DDX50: variants seen among roughly 807,000 people sequenced by gnomAD.
DDX50 encodes DExD-box helicase 50, also known as ATP-dependent RNA helicase DDX50.
Under a neutral mutation model 94.8 loss-of-function variants are expected in DDX50, and 56 were observed. The ratio of observed to expected loss-of-function variants is 0.59; its 90% CI spans 0.48 to 0.74. DDX50 has a LOEUF of 0.74. Ranked by LOEUF, DDX50 falls within the 30% of genes least tolerant of loss-of-function variation. DDX50 has a pLI of 0.00. For missense variants in DDX50, 713 were observed against 881.2 expected (o/e 0.81, Z 2.42); for synonymous variants, 264 against 295.4 (o/e 0.89, Z 1.09).
chr10:68,937,381 T>TA (rs1469382168), intron 12 of DDX50, among the ~76,000 whole-genome samples: 1 of 118,778 alleles, frequency 8.4e-6, no homozygotes, highest in Non-Finnish European at 1.8e-5. Context: ...TATCCTTTTT[T>TA]AGCTCTAATT....
intron 8 of DDX50, among the ~76,000 whole-genome samples, chr10:68,923,795 C>T (rs927528534): frequency 5.3e-5 from 8 of 151,334 alleles, no homozygotes; most frequent in African/African-American, 1.5e-4. Flanking sequence ...CGTTTTGCCT[C>T]GGCTTCCCAA....
rs1841682889 is a variant in DDX50, at chr10:68,913,222, A to G, written c.700A>G (p.Ile234Val). 1.9e-6 allele frequency: 3 copies of G among 1,613,566 alleles called. No individual in the cohort carries two copies. The highest frequency in any genetic ancestry group is 2.5e-6 in the Non-Finnish European group (3 of 1,179,912). The change falls in exon 5 of 15, where the codon ATA becomes GTA. Residue 234 changes from isoleucine (I) to valine (V), a missense_variant. By Grantham distance (29) the Ile-to-Val change is conservative. Transcript: ENST00000373585. ...ANQVAKDFKD[I>V]TRKLSVACFY... ...CCAAGTAGCCAAAGACTTCAAAGAT[A>G]TAACTAGGAAACTCAGCGTGGCGTG...
At chr10:68,913,329 T>A (rs762145537) in intron 5 of DDX50, 50 bp downstream of exon 5, 2 of 1,602,236 alleles carry the variant, frequency 1.2e-6, no homozygotes, top group East Asian at 4.5e-5. Flanking sequence ...GATACTCATA[T>A]TTAAATAAAT....
chr10:68,913,069 T>A, intron 4 of DDX50, 93 bp from the exon 5 acceptor site: 1 of 944,124 alleles, frequency 1.1e-6, no homozygotes, highest in Non-Finnish European at 1.6e-6. Flanking sequence ...TTGAGATTCC[T>A]GGTTTTAAAT....
chr10:68,933,569 T>A (rs1446243896), intron 8 of DDX50, among the ~76,000 whole-genome samples: 1 of 152,162 alleles, frequency 6.6e-6, no homozygotes, highest in Non-Finnish European at 1.5e-5. Flanking sequence ...CCTACCTATG[T>A]AATATCCACG....
intron 6 of DDX50, 120 bp from the exon 7 acceptor site, chr10:68,913,939 T>G: frequency 9.5e-7 from 1 of 1,052,452 alleles, no homozygotes; most frequent in South Asian, 2.0e-5. Context: ...GTCTGTGTGT[T>G]AAAAATTCAC....
Position 68,929,311 on chromosome 10 carries a change from CTCTT to C in DDX50, c.1240-4880_1240-4877del, listed in dbSNP as rs879365895. Among the ~76,000 whole-genome samples the C allele has an allele frequency of 9.0e-3, 1,245 of 138,620 alleles. 13 individuals are homozygous for C. Among genetic ancestry groups the C allele is most frequent in the African/African-American group, 0.033 (1,126 of 34,572 alleles). 90.9% of individuals were successfully genotyped at this position (138,620 alleles called of 152,430 possible). A position where few individuals can be genotyped will look rare whatever the true frequency, so the allele number is the denominator to read the frequency against. On this transcript the variant is annotated intron_variant, in intron 8 of 14. Coordinates refer to ENST00000373585, the MANE Select transcript of DDX50 (RefSeq NM_024045.2). ...TTCCTTCCTCTCTCTCTCTCTCTCTCTCTTTCTTTCTCTTTCTTTCTTTCCTTCC... is the reference window on the plus strand; with the variant it reads ...TTCCTTCCTCTCTCTCTCTCTCTCTCTCTTTCTCTTTCTTTCTTTCCTTCC...
rs779845250 is a variant in DDX50, at chr10:68,906,695, C to CT, written c.88-13dup. The CT allele has an allele frequency of 3.1e-6, 5 of 1,594,506 alleles. No individual in the cohort carries two copies. The highest frequency in any genetic ancestry group is 3.4e-6 in the Non-Finnish European group (4 of 1,175,586). On this transcript the variant is annotated splice_polypyrimidine_tract_variant and intron_variant, in intron 1 of 14. Coordinates refer to ENST00000373585, the MANE Select transcript of DDX50 (RefSeq NM_024045.2). ...ACCTCTGACCATCTTGTCATTGCTTCTTTGTTTGTTCACAGAGTGACAGAA... is the reference window on the plus strand; with the variant it reads ...ACCTCTGACCATCTTGTCATTGCTTCTTTTGTTTGTTCACAGAGTGACAGAA...
chr10:68,906,727 C>A lies in DDX50; in HGVS notation c.104C>A (p.Ser35Ter). 6.2e-7 allele frequency: 1 copy of A among 1,609,206 alleles called. No individual in the cohort carries two copies. Among genetic ancestry groups the A allele is most frequent in the South Asian group, 1.1e-5 (1 of 89,706 alleles). Residue 35 changes from serine (S) to a stop codon, truncating the protein, a stop_gained, in exon 2 of 15, where the codon TCA (serine) becomes TAA (stop). Coordinates refer to ENST00000373585, the MANE Select transcript of DDX50 (RefSeq NM_024045.2). LOFTEE classifies it high-confidence loss of function. ...TGTTCACAGAGTGACAGAAGGAAGT[C>A]AAGGCACCATTATGACTCGGATGAG... ...KERQKSDRRK[S>*]RHHYDSDEKS... is the part of the protein sequence containing the mutation.
chr10:68,908,953 A>G (rs975475636), intron 2 of DDX50, among the ~76,000 whole-genome samples: 11 of 151,758 alleles, frequency 7.2e-5, no homozygotes, highest in African/African-American at 2.4e-4. Context: ...GCCAGTTTCA[A>G]AAGTTTCTAC....
intron 11 of DDX50, among the ~76,000 whole-genome samples, chr10:68,936,479 ACT>A (rs1173859428): frequency 9.8e-6 from 1 of 101,730 alleles, no homozygotes; most frequent in Non-Finnish European, 1.8e-5. Context: ...ACAGAGCAAG[ACT>A]CTGTCTCAAA....
At chr10:68,940,698 G>A (rs1842535336) in intron 12 of DDX50, among the ~76,000 whole-genome samples, 1 of 152,082 alleles carries the variant, frequency 6.6e-6, no homozygotes, top group East Asian at 1.9e-4. Context: ...GATTACAGGT[G>A]TGAGCCACCA....
At chr10:68,906,592 A>G (rs1307057929) in intron 1 of DDX50, 119 bp from the exon 2 acceptor site, 8 of 1,067,428 alleles carry the variant, frequency 7.5e-6, no homozygotes, top group East Asian at 7.3e-5. Flanking sequence ...TCTACCAGGC[A>G]GGTTTTCAAA....
rs1264541981 is a variant in DDX50 at position 68,934,455 on chromosome 10, A to G, written c.1401+95A>G. The G allele has an allele frequency of 6.5e-7, 1 of 1,531,118 alleles. No homozygotes were observed. Among genetic ancestry groups the G allele is most frequent in the Non-Finnish European group, 8.9e-7 (1 of 1,129,900 alleles). The allele number at this position is 1,531,118 out of a possible 1,614,324, so 94.8% of individuals were successfully genotyped here. A position where few individuals can be genotyped will look rare whatever the true frequency, so the allele number is the denominator to read the frequency against. ...TTGCTTGGGATGTGAAAAATATGTC[A>G]TCTCTTCTTGCTCTTAGCCATTTTT... On this transcript the variant is annotated intron_variant, in intron 9 of 14. Transcript: ENST00000373585. The surrounding 1 kb of genome is among the most constrained non-coding windows in gnomAD (Gnocchi z 4.0).
At chr10:68,915,389 G>A (rs1841756275) in intron 7 of DDX50, among the ~76,000 whole-genome samples, 1 of 151,142 alleles carries the variant, frequency 6.6e-6, no homozygotes, top group Admixed American at 6.6e-5. Context: ...CTCCAGCTTG[G>A]GTGACAGAGC....
Position 68,934,481 on chromosome 10 carries a change from TG to T in DDX50, c.1401+122del, listed in dbSNP as rs1842355482. The T allele has an allele frequency of 7.5e-7, 1 of 1,338,602 alleles. No individual in the cohort carries two copies. Among genetic ancestry groups the T allele is most frequent in the African/African-American group, 1.5e-5 (1 of 67,524 alleles). The allele number at this position is 1,338,602 out of a possible 1,614,324, so 82.9% of individuals were successfully genotyped here. The stretch of plus-strand genomic sequence containing the variant: ...TCTCTTCTTGCTCTTAGCCATTTTT[TG>T]TTAGTGTGCTATTAAATTTATCAGA... On this transcript the variant is annotated intron_variant, in intron 9 of 14. Coordinates refer to ENST00000373585, the MANE Select transcript of DDX50 (RefSeq NM_024045.2). This position sits in a 1 kb window ranked among gnomAD's most constrained non-coding sequence, Gnocchi z 4.0.
chr10:68,946,323 T>C lies in DDX50; in HGVS notation c.1936-29T>C, dbSNP rs41278540. On this transcript the variant is annotated intron_variant, in intron 14 of 14. Coordinates refer to ENST00000373585, the MANE Select transcript of DDX50 (RefSeq NM_024045.2). Reference sequence around the variant, plus strand: ...TTGCTTATGGTTTCTATTTTGCATTTATATTAATCCTGTAAATTCCCCTAA... The same window carrying C: ...TTGCTTATGGTTTCTATTTTGCATTCATATTAATCCTGTAAATTCCCCTAA... The C allele has an allele frequency of 8.0e-3, 12,479 of 1,566,658 alleles. 71 individuals carry two copies. The highest frequency in any genetic ancestry group is 0.027 in the Middle Eastern group (152 of 5,704).
intron 7 of DDX50, among the ~76,000 whole-genome samples, chr10:68,919,590 A>G (rs543006761): frequency 6.6e-6 from 1 of 152,220 alleles, no homozygotes; most frequent in Admixed American, 6.5e-5. Flanking sequence ...CATGTATATC[A>G]GTAGTTGGTT....
intron 4 of DDX50, among the ~76,000 whole-genome samples, chr10:68,912,057 A>G (rs1183868473): frequency 1.3e-5 from 2 of 152,230 alleles, no homozygotes; most frequent in East Asian, 1.9e-4. Context: ...TAATTAAATC[A>G]TAATAGTCTT....
Sources: allele counts gnomAD v4.1 joint callset (sites outside exome capture counted in the v4.1 genomes callset), GRCh38; gene constraint gnomAD v4.1.1; non-coding constraint Gnocchi (gnomAD v3.1); transcripts MANE v1.5; gene names NCBI Gene and HGNC (gene_info 2026-07-23, HGNC 2026-07-21).